DCAF10: variants seen among roughly 807,000 people sequenced by gnomAD.
DCAF10 encodes the protein DDB1 and CUL4 associated factor 10.
DCAF10 carries 19 observed loss-of-function variants against 51.9 expected under a neutral mutation model. The observed-to-expected ratio is 0.37, with a 90% CI of 0.26 to 0.54. The LOEUF (loss-of-function observed/expected upper bound fraction) is 0.54. Ranked by LOEUF, DCAF10 falls within the 20% of genes least tolerant of loss-of-function variation. The pLI is 0.87. For synonymous variants in DCAF10, 291 were observed against 297.1 expected (o/e 0.98, Z 0.21); for missense variants, 510 against 730.6 (o/e 0.70, Z 3.48).
intron 3 of DCAF10, among the ~76,000 whole-genome samples, chr9:37,852,331 T>G (rs1830679206): frequency 2.0e-5 from 3 of 152,222 alleles, no homozygotes; most frequent in Non-Finnish European, 4.4e-5. Context: ...GCATAGTGGC[T>G]CATACTTATA....
rs776400646 is a variant in DCAF10 at position 37,854,730 on chromosome 9, C to G, written c.852-50C>G. On this transcript the variant is annotated intron_variant, in intron 3 of 6. Coordinates refer to ENST00000377724, the MANE Select transcript of DCAF10 (RefSeq NM_024345.5). ...GCAAAAAATATGATTATTACTGAAC[C>G]GTTATATTTATGATAACTCTAGATT... 41 of 1,526,634 alleles carry G rather than the reference C, an allele frequency of 2.7e-5. No homozygotes were observed. In the South Asian group the frequency reaches 4.5e-4, roughly 17 times the overall value. The allele number at this position is 1,526,634 out of a possible 1,614,324, so 94.6% of individuals were successfully genotyped here. A position where few individuals can be genotyped will look rare whatever the true frequency, so the allele number is the denominator to read the frequency against.
intron 3 of DCAF10, among the ~76,000 whole-genome samples, chr9:37,847,143 C>T (rs1830496898): frequency 6.6e-6 from 1 of 150,700 alleles, no homozygotes; most frequent in Admixed American, 6.7e-5. Context: ...ATCTCAGCTA[C>T]TCAGGAGGCT....
Position 37,814,142 on chromosome 9 carries a change from G to GTTGTT in DCAF10, c.540-5145_540-5141dup, listed in dbSNP as rs1480881372. On this transcript the variant is annotated intron_variant, in intron 1 of 6. Coordinates refer to ENST00000377724, the MANE Select transcript of DCAF10 (RefSeq NM_024345.5). ...TATATATATATTTGTTGTTGTTGTT[G>GTTGTT]TTGTTGTTGTTGTTGAGATGGAGTC... Among the ~76,000 whole-genome samples, 386 of 93,870 alleles carry GTTGTT rather than the reference G, an allele frequency of 4.1e-3. 11 individuals carry two copies. The highest frequency in any genetic ancestry group is 0.015 in the African/African-American group (376 of 24,626). The allele number at this position is 93,870 out of a possible 152,430, so 61.6% of individuals were successfully genotyped here.
intron 3 of DCAF10, among the ~76,000 whole-genome samples, chr9:37,847,860 A>C (rs1830524250): frequency 1.3e-5 from 2 of 152,234 alleles, no homozygotes; most frequent in South Asian, 4.1e-4. Flanking sequence ...TGAACAATCC[A>C]AAAATGAATG....
At chr9:37,800,555 C>T, upstream of DCAF10, 1 of 1,532,272 alleles carries the variant, frequency 6.5e-7, no homozygotes, top group Non-Finnish European at 8.7e-7. Context: ...GGTCAGGCCA[C>T]TCATCCCCAG....
intron 3 of DCAF10, among the ~76,000 whole-genome samples, chr9:37,853,394 CA>C (rs1249499467): frequency 2.2e-5 from 2 of 92,374 alleles, no homozygotes; most frequent in African/African-American, 8.8e-5. Flanking sequence ...GCCTGGGCGA[CA>C]AGAGCAAAAC....
chr9:37,850,710 C>T (rs1830605362), intron 3 of DCAF10, among the ~76,000 whole-genome samples: 3 of 150,696 alleles, frequency 2.0e-5, no homozygotes, highest in Non-Finnish European at 4.4e-5. Context: ...TTATAAGGTA[C>T]AACATGATGA....
chr9:37,829,980 G>T lies in DCAF10; in HGVS notation c.653+10579G>T, dbSNP rs1016285219. On this transcript the variant is annotated intron_variant, in intron 2 of 6. Coordinates refer to ENST00000377724, the MANE Select transcript of DCAF10 (RefSeq NM_024345.5). The surrounding 1 kb of genome is among the most constrained non-coding windows in gnomAD (Gnocchi z 4.2). The stretch of plus-strand genomic sequence containing the variant: ...ATTGCACCACTGCATTCCAGTCTGG[G>T]TGACAGAGCAAGACCCTGTCTCTTA... 6.6e-6 allele frequency among the ~76,000 whole-genome samples: 1 copy of T among 152,160 alleles called. No individual in the cohort carries two copies. Among genetic ancestry groups the T allele is most frequent in the Admixed American group, 6.5e-5 (1 of 15,272 alleles).
chr9:37,807,001 T>G (rs1174348690), intron 1 of DCAF10, among the ~76,000 whole-genome samples: 1 of 152,238 alleles, frequency 6.6e-6, no homozygotes, highest in East Asian at 1.9e-4. Context: ...TTAATATAAT[T>G]AAGTATATCA....
chr9:37,846,126 T>C (rs1022575446), intron 3 of DCAF10, among the ~76,000 whole-genome samples: 1 of 152,070 alleles, frequency 6.6e-6, no homozygotes, highest in South Asian at 2.1e-4. Flanking sequence ...TGCAAAGAAA[T>C]TGAACCCTAC....
At chr9:37,852,530 T>TGAGGTTATA (rs1181786144) in intron 3 of DCAF10, among the ~76,000 whole-genome samples, 1 of 152,136 alleles carries the variant, frequency 6.6e-6, no homozygotes, top group African/African-American at 2.4e-5. Flanking sequence ...CCTGGGAATT[T>TGAGGTTATA]GAGGTTATAG....
At chr9:37,841,154 G>C (rs780320509) in intron 2 of DCAF10, among the ~76,000 whole-genome samples, 6 of 152,142 alleles carry the variant, frequency 3.9e-5, no homozygotes, top group Non-Finnish European at 8.8e-5. Flanking sequence ...CCAGATCCAG[G>C]GGCAGGAGGA....
chr9:37,801,725 T>A lies in DCAF10; in HGVS notation c.539+320T>A, dbSNP rs1828955802. Among the ~76,000 whole-genome samples the A allele has an allele frequency of 6.6e-6, 1 of 152,204 alleles. No homozygotes were observed. The highest frequency in any genetic ancestry group is 2.1e-4 in the South Asian group (1 of 4,836). On this transcript the variant is annotated intron_variant, in intron 1 of 6. Coordinates refer to ENST00000377724, the MANE Select transcript of DCAF10 (RefSeq NM_024345.5). This position sits in a 1 kb window ranked among gnomAD's most constrained non-coding sequence, Gnocchi z 5.5. Reference sequence around the variant, plus strand: ...GGGCTTTCTGGTACACAGTAGGTGCTCAGTAAATACATTTTGAATAAATGC... The same window carrying A: ...GGGCTTTCTGGTACACAGTAGGTGCACAGTAAATACATTTTGAATAAATGC...
At chr9:37,852,782 G>T (rs2118134478) in intron 3 of DCAF10, among the ~76,000 whole-genome samples, 1 of 152,012 alleles carries the variant, frequency 6.6e-6, no homozygotes. Flanking sequence ...GTGGTGGCAG[G>T]TGCCTGTAAT....
intron 5 of DCAF10, among the ~76,000 whole-genome samples, chr9:37,857,902 C>A (rs1041466222): frequency 1.3e-5 from 2 of 152,184 alleles, no homozygotes; most frequent in South Asian, 2.1e-4. Flanking sequence ...CCACACCCCC[C>A]CAGTTGAAAT....
At chr9:37,814,459 T>G (rs770172298) in intron 1 of DCAF10, among the ~76,000 whole-genome samples, 8 of 151,422 alleles carry the variant, frequency 5.3e-5, no homozygotes, top group Non-Finnish European at 1.2e-4. Flanking sequence ...TCAATTTTTT[T>G]TTTAAGAGGC....
At chr9:37,837,974 A>G (rs2118007075) in intron 2 of DCAF10, among the ~76,000 whole-genome samples, 1 of 152,172 alleles carries the variant, frequency 6.6e-6, no homozygotes, top group African/African-American at 2.4e-5. Context: ...GCAGTGAGCC[A>G]TAATCATCAC....
intron 1 of DCAF10, among the ~76,000 whole-genome samples, chr9:37,814,126 A>T (rs867486103): frequency 3.5e-4 from 22 of 62,710 alleles, no homozygotes; most frequent in African/African-American, 5.0e-4. Flanking sequence ...ATATATATAT[A>T]TTTGTTGTTG....
At chr9:37,809,300 T>G (rs1197191924) in intron 1 of DCAF10, among the ~76,000 whole-genome samples, 1 of 150,724 alleles carries the variant, frequency 6.6e-6, no homozygotes, top group African/African-American at 2.4e-5. Flanking sequence ...ATAAGGAAAA[T>G]TAATGAGCTA....
Sources: gnomAD v4.1 joint callset for allele counts (sites outside exome capture counted in the v4.1 genomes callset) on GRCh38, gnomAD v4.1.1 for gene constraint, Gnocchi (gnomAD v3.1) non-coding constraint, MANE v1.5 for transcripts, NCBI Gene and HGNC (gene_info 2026-07-23, HGNC 2026-07-21) for gene names.